CWC22: variants seen among roughly 807,000 people sequenced by gnomAD.
The protein encoded by CWC22 is pre-mRNA-splicing factor CWC22 homolog.
Under a neutral mutation model 117.2 loss-of-function variants are expected in CWC22, and 53 were observed. The ratio of observed to expected loss-of-function variants is 0.45; its 90% CI spans 0.36 to 0.57. CWC22 has a LOEUF of 0.57. Ranked by LOEUF, CWC22 falls within the 20% of genes least tolerant of loss-of-function variation. The pLI is 0.00. For missense variants in CWC22, 980 were observed against 1,068.8 expected (o/e 0.92, Z 1.16); for synonymous variants, 360 against 355.6 (o/e 1.01, Z -0.14).
At chr2:179,961,350 GTT>G (rs1241650895) in intron 13 of CWC22, among the ~76,000 whole-genome samples, 1 of 151,884 alleles carries the variant, frequency 6.6e-6, no homozygotes, top group Admixed American at 6.6e-5. Context: ...TAGTTTTGCA[GTT>G]CATCTATATT....
intron 7 of CWC22, 89 bp downstream of exon 7, chr2:179,973,545 T>C: frequency 1.2e-6 from 1 of 818,828 alleles, no homozygotes; most frequent in Non-Finnish European, 1.9e-6. Flanking sequence ...TATGTAGCTG[T>C]GTCAAAATCA....
intron 6 of CWC22, among the ~76,000 whole-genome samples, chr2:179,976,735 A>T (rs1211592141): frequency 6.6e-6 from 1 of 152,232 alleles, no homozygotes; most frequent in East Asian, 1.9e-4. Flanking sequence ...GCTGTAATAA[A>T]AAAGATGAAA....
chr2:179,964,909 T>A (rs572330611), intron 12 of CWC22, among the ~76,000 whole-genome samples: 2 of 152,274 alleles, frequency 1.3e-5, no homozygotes, highest in African/African-American at 4.8e-5. Flanking sequence ...AAGGCTGCAC[T>A]CATGCTGTTG....
chr2:179,956,784 CT>C lies in CWC22; in HGVS notation c.1459-1751del, dbSNP rs201582465. ...TTCATATACGAAAATTCACTTTCAA[CT>C]TTTTTTTTTTACCAACATTACATTT... On this transcript the variant is annotated intron_variant, in intron 14 of 19. Coordinates refer to ENST00000410053, the MANE Select transcript of CWC22 (RefSeq NM_020943.3). Among the ~76,000 whole-genome samples, 145 of 146,178 alleles carry C rather than the reference CT, an allele frequency of 9.9e-4. 1 individual carries two copies. Among genetic ancestry groups the C allele is most frequent in the Middle Eastern group, 3.6e-3 (1 of 278 alleles).
chr2:180,000,125 T>C (rs1321617284), intron 1 of CWC22, among the ~76,000 whole-genome samples: 2 of 152,236 alleles, frequency 1.3e-5, no homozygotes, highest in South Asian at 2.1e-4. Context: ...CGTTTCTTGC[T>C]ATTTTTTCCT....
chr2:179,956,478 C>CAGCA (rs1296635407), intron 14 of CWC22, among the ~76,000 whole-genome samples: 5 of 151,534 alleles, frequency 3.3e-5, no homozygotes, highest in African/African-American at 9.7e-5. Flanking sequence ...TTGTATTGGA[C>CAGCA]AGCACCGCTT....
chr2:179,993,995 C>T (rs781737659), intron 1 of CWC22, among the ~76,000 whole-genome samples: 5 of 152,102 alleles, frequency 3.3e-5, no homozygotes, highest in Non-Finnish European at 7.4e-5. Flanking sequence ...ATTAATGGCA[C>T]AAAGCTTCAG....
intron 1 of CWC22, among the ~76,000 whole-genome samples, 161 bp from the exon 2 acceptor site, chr2:179,993,615 T>C (rs1216325811): frequency 6.6e-6 from 1 of 152,212 alleles, no homozygotes; most frequent in African/African-American, 2.4e-5. Flanking sequence ...CACATAATAA[T>C]GTATACCTAA....
intron 17 of CWC22, 63 bp from the exon 18 acceptor site, chr2:179,950,989 T>TA: frequency 9.6e-7 from 1 of 1,044,892 alleles, no homozygotes; most frequent in Non-Finnish European, 1.4e-6. Context: ...GTAAAATCCT[T>TA]AGTCATTTTT....
At chr2:179,984,653 C>G (rs1414984017) in intron 4 of CWC22, among the ~76,000 whole-genome samples, 1 of 151,822 alleles carries the variant, frequency 6.6e-6, no homozygotes, top group African/African-American at 2.4e-5. Context: ...GTTTTAGAAA[C>G]TAGATGACTA....
At chr2:179,973,362 T>G in intron 7 of CWC22, 116 bp from the exon 8 acceptor site, 1 of 730,204 alleles carries the variant, frequency 1.4e-6, no homozygotes, top group Non-Finnish European at 2.3e-6. Context: ...AAGTATAATT[T>G]TTACATTATA....
At chr2:179,969,213 AC>A (rs1686970163) in intron 11 of CWC22, among the ~76,000 whole-genome samples, 1 of 152,214 alleles carries the variant, frequency 6.6e-6, no homozygotes, top group Non-Finnish European at 1.5e-5. Flanking sequence ...TTCACAAAAA[AC>A]ATTTGGCATT....
intron 17 of CWC22, 78 bp from the exon 18 acceptor site, chr2:179,951,004 T>C (rs532415521): frequency 1.1e-6 from 1 of 871,512 alleles, no homozygotes; most frequent in Admixed American, 2.6e-5. Flanking sequence ...ATTTTTCAGA[T>C]TTTTCATATA....
intron 1 of CWC22, among the ~76,000 whole-genome samples, chr2:180,003,887 T>C (rs1322913995): frequency 6.6e-6 from 1 of 152,234 alleles, no homozygotes; most frequent in Non-Finnish European, 1.5e-5. Context: ...AACTTTATTA[T>C]ATAAAGGCTA....
chr2:179,952,233 G>A (rs1686469106), intron 17 of CWC22, among the ~76,000 whole-genome samples: 1 of 151,996 alleles, frequency 6.6e-6, no homozygotes, highest in Non-Finnish European at 1.5e-5. Flanking sequence ...AAACAATTCT[G>A]TATTTTCTAA....
At position 179,957,074 on chromosome 2, in the gene CWC22, T is replaced by C. The variant is rs180839650; in HGVS notation, c.1458+1948A>G. On this transcript the variant is annotated intron_variant, in intron 14 of 19. Transcript: ENST00000410053. ...AAATATACTGAGGTTATTTCTGGAA[T>C]AACTATCTTCTCAATGAATATTAAT... Among the ~76,000 whole-genome samples, 309 of 152,298 alleles carry C rather than the reference T, an allele frequency of 2.0e-3. 2 individuals carry two copies. Among genetic ancestry groups the C allele is most frequent in the African/African-American group, 7.0e-3 (289 of 41,572 alleles).
chr2:179,960,338 A>G (rs1044657828), intron 13 of CWC22, among the ~76,000 whole-genome samples: 1 of 152,038 alleles, frequency 6.6e-6, no homozygotes, highest in African/African-American at 2.4e-5. Flanking sequence ...TCTGTTCTAC[A>G]ATTAGTTGTT....
chr2:179,991,519 C>T (rs1015843695), intron 2 of CWC22, among the ~76,000 whole-genome samples: 4 of 152,122 alleles, frequency 2.6e-5, no homozygotes, highest in East Asian at 3.9e-4. Flanking sequence ...AAGCCACCCA[C>T]GGGCAGGCTG....
chr2:179,946,560 G>A (rs1686309353), intron 19 of CWC22, among the ~76,000 whole-genome samples: 1 of 151,406 alleles, frequency 6.6e-6, no homozygotes, highest in African/African-American at 2.4e-5. Context: ...ATTTAAGACA[G>A]TAAACAGAAA....
Sources: gnomAD v4.1 joint callset for allele counts (sites outside exome capture counted in the v4.1 genomes callset) on GRCh38, gnomAD v4.1.1 for gene constraint, MANE v1.5 for transcripts, NCBI Gene and HGNC (gene_info 2026-07-23, HGNC 2026-07-21) for gene names.